Variants in CERS6 observed in about 807,000 individuals in gnomAD.
The protein encoded by CERS6 is LAG1 homolog, ceramide synthase 6.
A neutral mutation model predicts 56.8 loss-of-function variants in CERS6; 26 were observed. That is an observed-to-expected ratio of 0.46 (90% CI 0.34 to 0.63). The LOEUF is 0.63. CERS6 is among the 30% of genes least tolerant of loss of function. CERS6 has a pLI of 0.01. For synonymous variants in CERS6, 164 were observed against 173.3 expected, an observed-to-expected ratio of 0.95 and a Z score of 0.42; for missense variants, 415 against 467.5, an observed-to-expected ratio of 0.89 and a Z score of 1.04.
At chr2:168,686,576 T>C (rs1008766652) in intron 4 of CERS6, among the ~76,000 whole-genome samples, 5 of 152,032 alleles carry the variant, frequency 3.3e-5, no homozygotes, top group Non-Finnish European at 5.9e-5. Flanking sequence ...GATTACAGGA[T>C]TTGGAGGTCC....
In CERS6 at chr2:168,517,440, C is replaced by T. The variant is rs370165362; in HGVS notation, c.171-30156C>T. On this transcript the variant is annotated intron_variant, in intron 1 of 9. Transcript: ENST00000305747. The stretch of plus-strand genomic sequence containing the variant: ...CCAGGAAGCGGAGGTCACAGTGAGC[C>T]GAGATCATGCCACTGCACTCCAGCC... Among the ~76,000 whole-genome samples the T allele has an allele frequency of 1.7e-4, 26 of 151,356 alleles. No homozygotes were observed. The East Asian group carries it at 2.7e-3, about 16-fold the overall frequency.
At chr2:168,732,019 A>G (rs1489915826) in intron 8 of CERS6, among the ~76,000 whole-genome samples, 1 of 152,224 alleles carries the variant, frequency 6.6e-6, no homozygotes, top group African/African-American at 2.4e-5. Context: ...TTCACAAAAT[A>G]GGTTAAAGCT....
intron 1 of CERS6, among the ~76,000 whole-genome samples, chr2:168,485,151 G>A (rs1368136139): frequency 6.6e-6 from 1 of 151,210 alleles, no homozygotes; most frequent in Non-Finnish European, 1.5e-5. Context: ...AACACAAAAG[G>A]TGACACACTG....
At chr2:168,550,587 G>C (rs1028533364) in intron 2 of CERS6, among the ~76,000 whole-genome samples, 13 of 152,182 alleles carry the variant, frequency 8.5e-5, no homozygotes, top group Admixed American at 4.6e-4. Context: ...CTGTGACTTA[G>C]TGTGCACATG....
intron 8 of CERS6, among the ~76,000 whole-genome samples, chr2:168,719,455 G>A (rs1207863582): frequency 1.3e-5 from 2 of 152,210 alleles, no homozygotes; most frequent in African/African-American, 4.8e-5. Context: ...AGGTAGATCA[G>A]ACTTTAGTTT....
intron 4 of CERS6, among the ~76,000 whole-genome samples, chr2:168,679,098 A>G (rs1686144759): frequency 6.6e-6 from 1 of 151,190 alleles, no homozygotes; most frequent in Non-Finnish European, 1.5e-5. Flanking sequence ...CAAATACTGT[A>G]TGATCTTATT....
At chr2:168,711,287 G>A (rs558837623) in intron 6 of CERS6, among the ~76,000 whole-genome samples, 1 of 152,294 alleles carries the variant, frequency 6.6e-6, no homozygotes, top group Non-Finnish European at 1.5e-5. Flanking sequence ...GCTAAATAAA[G>A]AGGGTGCATG....
At chr2:168,644,221 A>G (rs1425377360) in intron 4 of CERS6, 1 of 923,636 alleles carries the variant, frequency 1.1e-6, no homozygotes, top group Non-Finnish European at 1.3e-6. Context: ...GATTTCAGAT[A>G]GGGTGCTCAG....
chr2:168,750,318 A>G (rs1684225396), intron 8 of CERS6, among the ~76,000 whole-genome samples: 1 of 115,510 alleles, frequency 8.7e-6, no homozygotes, highest in East Asian at 2.4e-4. Context: ...TTATATGATT[A>G]CATACATGTT....
At chr2:168,746,866 A>G (rs1308670285) in intron 8 of CERS6, among the ~76,000 whole-genome samples, 5 of 134,370 alleles carry the variant, frequency 3.7e-5, no homozygotes, top group African/African-American at 1.4e-4. Flanking sequence ...TATAGATTTA[A>G]AGTATGTTAT....
intron 8 of CERS6, among the ~76,000 whole-genome samples, chr2:168,740,519 TG>T (rs1683864531): frequency 6.6e-6 from 1 of 152,190 alleles, no homozygotes; most frequent in African/African-American, 2.4e-5. Flanking sequence ...TACAATGTGG[TG>T]AGCATTATGA....
chr2:168,754,754 A>G (rs1684369813), intron 8 of CERS6, among the ~76,000 whole-genome samples: 1 of 152,154 alleles, frequency 6.6e-6, no homozygotes, highest in African/African-American at 2.4e-5. Flanking sequence ...TTTGAAGACT[A>G]TACATTCTCT....
Position 168,510,702 on chromosome 2 carries a change from G to A in CERS6, c.171-36894G>A, listed in dbSNP as rs1694763728. Among the ~76,000 whole-genome samples the A allele has an allele frequency of 1.3e-5, 2 of 152,090 alleles. 1 individual carries two copies. Among genetic ancestry groups the A allele is most frequent in the Admixed American group, 1.3e-4 (2 of 15,258 alleles). Reference sequence around the variant, plus strand: ...TCAGTGTTTTTTTCTTTTTCCTGGAGTCTGTGAGTTTTTAAAATTTATATT... The same window carrying A: ...TCAGTGTTTTTTTCTTTTTCCTGGAATCTGTGAGTTTTTAAAATTTATATT... On this transcript the variant is annotated intron_variant, in intron 1 of 9. Coordinates refer to ENST00000305747, the MANE Select transcript of CERS6 (RefSeq NM_203463.3).
chr2:168,646,341 C>G (rs1685201327), intron 4 of CERS6, among the ~76,000 whole-genome samples: 1 of 151,976 alleles, frequency 6.6e-6, no homozygotes, highest in South Asian at 2.1e-4. Flanking sequence ...TGTGTGTCTT[C>G]TTTTGAAAAG....
chr2:168,685,616 G>T (rs1686328461), intron 4 of CERS6, among the ~76,000 whole-genome samples: 1 of 152,006 alleles, frequency 6.6e-6, no homozygotes, highest in African/African-American at 2.4e-5. Context: ...ACTTAAAGAT[G>T]CTTCTTTACC....
Position 168,715,823 on chromosome 2 carries a change from C to CT in CERS6, c.738+697dup, listed in dbSNP as rs1331770591. On this transcript the variant is annotated intron_variant, in intron 7 of 9. Coordinates refer to ENST00000305747, the MANE Select transcript of CERS6 (RefSeq NM_203463.3). ...ACTCAATAATGTTCATAATTAAAGT[C>CT]TTTGCATTTTATATTAAGAAATTAA... Among the ~76,000 whole-genome samples, 5 of 152,032 alleles carry CT rather than the reference C, an allele frequency of 3.3e-5. No individual in the cohort carries two copies. The East Asian group carries it at 9.6e-4, about 29-fold the overall frequency.
chr2:168,744,004 T>C (rs543413447), intron 8 of CERS6, among the ~76,000 whole-genome samples: 2 of 136,398 alleles, frequency 1.5e-5, no homozygotes, highest in East Asian at 2.0e-4. Flanking sequence ...TCTTTTTTTT[T>C]TTTTTTTTTT....
chr2:168,585,356 G>A (rs538416276), intron 3 of CERS6, among the ~76,000 whole-genome samples: 1 of 152,354 alleles, frequency 6.6e-6, no homozygotes, highest in Non-Finnish European at 1.5e-5. Context: ...GACAAGGCAT[G>A]GTGTCATTCC....
At chr2:168,514,020 A>G (rs980325184) in intron 1 of CERS6, among the ~76,000 whole-genome samples, 1 of 152,232 alleles carries the variant, frequency 6.6e-6, no homozygotes, top group Non-Finnish European at 1.5e-5. Flanking sequence ...TGTTATGCTC[A>G]AGCACAATTT....
Sources: gnomAD v4.1 joint callset for allele counts (sites outside exome capture counted in the v4.1 genomes callset) on GRCh38, gnomAD v4.1.1 for gene constraint, MANE v1.5 for transcripts, NCBI Gene and HGNC (gene_info 2026-07-23, HGNC 2026-07-21) for gene names.